Variants in LIPJ observed in about 807,000 individuals in gnomAD.
LIPJ encodes lipase member J.
A neutral mutation model predicts 39.8 loss-of-function variants in LIPJ; 33 were observed. The ratio of observed to expected loss-of-function variants is 0.83; its 90% CI spans 0.63 to 1.11. The LOEUF (loss-of-function observed/expected upper bound fraction) is 1.11. Ranked by LOEUF, LIPJ falls within the 50% of genes least tolerant of loss-of-function variation. The pLI, the probability that LIPJ is intolerant of heterozygous loss-of-function variation, is 0.00. For synonymous variants in LIPJ, 128 were observed against 139.2 expected (o/e 0.92, Z 0.57); for missense variants, 422 against 427.9 (o/e 0.99, Z 0.12).
chr10:88,609,083 T>A (rs530360128), downstream of LIPJ, among the ~76,000 whole-genome samples: 306 of 152,314 alleles, frequency 2.0e-3, 2 homozygotes, highest in African/African-American at 7.1e-3. Flanking sequence ...TTTCAATAAA[T>A]CTCTGCTTTT....
chr10:88,593,472 T>G (rs930982727), intron 4 of LIPJ: 2 of 151,942 alleles, frequency 1.3e-5, no homozygotes, highest in African/African-American at 2.4e-5. Context: ...CCCAGCTGGC[T>G]TTTTCCCAGC....
the LIPJ span, chr10:88,618,841 A>G: frequency 6.1e-6 from 1 of 162,652 alleles, no homozygotes; most frequent in African/African-American, 2.4e-5. Context: ...CTTCTTAGGC[A>G]TTTTGATCTT....
chr10:88,588,120 A>C (rs1360568034), intron 2 of LIPJ, among the ~76,000 whole-genome samples: 1 of 151,838 alleles, frequency 6.6e-6, no homozygotes. Flanking sequence ...CACATACCTA[A>C]ATTGTTTGAA....
At chr10:88,586,399 A>G (rs1203937268), upstream of LIPJ, among the ~76,000 whole-genome samples, 3 of 151,994 alleles carry the variant, frequency 2.0e-5, no homozygotes, top group South Asian at 6.2e-4. Flanking sequence ...CCCATGTCTA[A>G]TATTTATTTT....
chr10:88,622,070 C>T, the LIPJ span, among the ~76,000 whole-genome samples: 10 of 152,188 alleles, frequency 6.6e-5, no homozygotes, highest in African/African-American at 2.2e-4. Context: ...TAAGAAATCA[C>T]AGCTGTATGC....
At chr10:88,614,285 T>C in the LIPJ span, among the ~76,000 whole-genome samples, 1 of 152,054 alleles carries the variant, frequency 6.6e-6, no homozygotes, top group African/African-American at 2.4e-5. Flanking sequence ...AATAATTCAG[T>C]GCAGGGGAGA....
intron 2 of LIPJ, among the ~76,000 whole-genome samples, chr10:88,588,706 T>C (rs938692884): frequency 7.9e-5 from 12 of 151,912 alleles, no homozygotes; most frequent in Admixed American, 6.6e-4. Context: ...TAAAGTTGTG[T>C]TTAACAGAAA....
intron 4 of LIPJ, chr10:88,592,479 T>G (rs890838117): frequency 1.1e-4 from 17 of 151,766 alleles, no homozygotes; most frequent in African/African-American, 4.1e-4. Flanking sequence ...GGCAGTAACG[T>G]GGAAATTAGG....
downstream of LIPJ, among the ~76,000 whole-genome samples, chr10:88,608,972 G>A (rs563944183): frequency 1.5e-4 from 23 of 152,274 alleles, no homozygotes; most frequent in Non-Finnish European, 1.5e-5. Context: ...CAAGCAACCA[G>A]TGGGAAACCT....
At chr10:88,613,800 A>ATATATATATATATTTGTG in the LIPJ span, among the ~76,000 whole-genome samples, 1 of 74,156 alleles carries the variant, frequency 1.3e-5, no homozygotes, top group African/African-American at 4.8e-5. Context: ...ATATATATAT[A>ATATATATATATATTTGTG]TGTGTGTGTG....
At chr10:88,607,101 T>C, downstream of LIPJ, 1 of 429,282 alleles carries the variant, frequency 2.3e-6, no homozygotes, top group East Asian at 3.8e-5. Flanking sequence ...TGGCAGATTA[T>C]AAATCAATCT....
chr10:88,590,614 T>C lies in LIPJ; in HGVS notation c.-74T>C. 2 of 1,174,942 alleles carry C rather than the reference T, an allele frequency of 1.7e-6. No homozygotes were observed. Among genetic ancestry groups the C allele is most frequent in the South Asian group, 1.2e-5 (1 of 81,158 alleles). 72.8% of individuals were successfully genotyped at this position (1,174,942 alleles called of 1,614,324 possible). A position where few individuals can be genotyped will look rare whatever the true frequency, so the allele number is the denominator to read the frequency against. On this transcript the variant is annotated 5_prime_UTR_variant, in exon 3 of 11. It removes an upstream start codon present in the reference 5' UTR. Transcript: ENST00000371939. ...CAAACGTGGTATCTTTTCACAATGATGTATTTTATCCGAATTCTTGGAATT... is the reference window on the plus strand; with the variant it reads ...CAAACGTGGTATCTTTTCACAATGACGTATTTTATCCGAATTCTTGGAATT...
At chr10:88,583,027 G>GC, upstream of LIPJ, 1 of 1,592,798 alleles carries the variant, frequency 6.3e-7, no homozygotes, top group Non-Finnish European at 8.6e-7. Context: ...TCAGCAGCCT[G>GC]CCCGGCAGTC....
At chr10:88,605,440 G>T (rs1191538852) in intron 9 of LIPJ, among the ~76,000 whole-genome samples, 193 bp from the exon 10 acceptor site, 1 of 152,096 alleles carries the variant, frequency 6.6e-6, no homozygotes, top group Non-Finnish European at 1.5e-5. Context: ...TATTTCTTTA[G>T]ATTCCCCTGC....
At chr10:88,614,343 C>T in the LIPJ span, among the ~76,000 whole-genome samples, 1 of 152,002 alleles carries the variant, frequency 6.6e-6, no homozygotes, top group Non-Finnish European at 1.5e-5. Context: ...TTGATGACTG[C>T]TGAAGGTAGC....
intron 3 of LIPJ, 127 bp downstream of exon 3, chr10:88,590,823 C>G: frequency 1.5e-6 from 1 of 651,246 alleles, no homozygotes; most frequent in Non-Finnish European, 2.7e-6. Context: ...TTCTCATCTG[C>G]TATTCTATAG....
upstream of LIPJ, chr10:88,583,490 G>A: frequency 1.6e-6 from 2 of 1,253,896 alleles, no homozygotes; most frequent in Non-Finnish European, 2.0e-6. Context: ...AAATGGTGTG[G>A]GCTATTGTTG....
At chr10:88,583,492 C>G, upstream of LIPJ, 9 of 1,251,274 alleles carry the variant, frequency 7.2e-6, no homozygotes, top group Non-Finnish European at 9.1e-6. Context: ...ATGGTGTGGG[C>G]TATTGTTGGG....
chr10:88,613,770 G>GTGTATATATATATATATATA, the LIPJ span, among the ~76,000 whole-genome samples: 3 of 75,530 alleles, frequency 4.0e-5, no homozygotes, highest in Non-Finnish European at 5.6e-5. Flanking sequence ...ATGTGTGTGT[G>GTGTATATATATATATATATA]TATATATATA....
Sources: allele counts gnomAD v4.1 joint callset (sites outside exome capture counted in the v4.1 genomes callset), GRCh38; gene constraint gnomAD v4.1.1; transcripts MANE v1.5; gene names NCBI Gene and HGNC (gene_info 2026-07-23, HGNC 2026-07-21).